The following CRYAB variants were observed in gnomAD, a reference collection of about 807,000 sequenced individuals.
CRYAB encodes crystallin alpha B, also known as alpha-crystallin B chain.
Under a neutral mutation model 12.7 loss-of-function variants are expected in CRYAB, and 9 were observed. The ratio of observed to expected loss-of-function variants is 0.71; its 90% confidence interval spans 0.43 to 1.24. The LOEUF is 1.24. CRYAB is among the 50% of genes most tolerant of loss of function. The pLI is 0.00. For missense variants in CRYAB, 183 were observed against 226.6 expected (o/e 0.81, Z 1.24); for synonymous variants, 93 against 86.8 (o/e 1.07, Z -0.40).
At chr11:111,909,069 A>G (rs915570322) in intron 2 of CRYAB, 102 bp from the exon 3 acceptor site, 4 of 1,144,250 alleles carry the variant, frequency 3.5e-6, no homozygotes, top group Non-Finnish European at 3.9e-6. Flanking sequence ...GTGAGACCAA[A>G]TGCCATGACA....
chr11:111,913,051 C>G (rs1965521072), upstream of CRYAB: 2 of 681,530 alleles, frequency 2.9e-6, no homozygotes, highest in Non-Finnish European at 5.3e-6. Flanking sequence ...CCACCCCCCA[C>G]CCCAGACTAC....
chr11:111,908,790 C>G lies in CRYAB; in HGVS notation c.502G>C (p.Ala168Pro). 1 of 1,613,080 alleles carries G rather than the reference C, an allele frequency of 6.2e-7. No individual in the cohort carries two copies. The highest frequency in any genetic ancestry group is 8.5e-7 in the Non-Finnish European group (1 of 1,180,012). ...TIPITREEKP[A>P]VTAAPKK ...TATTTCTTGGGGGCTGCGGTGACAGCAGGCTTCTCTTCACGGGTGATGGGA... is the reference window on the plus strand; with the variant it reads ...TATTTCTTGGGGGCTGCGGTGACAGGAGGCTTCTCTTCACGGGTGATGGGA... The change falls in exon 3 of 3, where the codon GCT (alanine) becomes CCT (proline). Residue 168 changes from alanine (A) to proline (P), a missense_variant. Ala to Pro is a conservative substitution (Grantham distance 27). Coordinates refer to ENST00000650687, the MANE Select transcript of CRYAB (RefSeq NM_001289808.2).
upstream of CRYAB, chr11:111,913,853 T>A (rs1965551939): frequency 1.9e-6 from 3 of 1,613,366 alleles, no homozygotes; most frequent in Non-Finnish European, 2.5e-6. Context: ...CTGCGCCTCC[T>A]GATCCAGAGG....
upstream of CRYAB, chr11:111,914,154 G>A (rs1184425490): frequency 1.8e-5 from 8 of 443,866 alleles, no homozygotes; most frequent in Non-Finnish European, 3.2e-5. Flanking sequence ...GAGGGAGGAG[G>A]TCACAGCCAG....
intron 1 of CRYAB, among the ~76,000 whole-genome samples, chr11:111,921,476 G>A (rs1197126012): frequency 6.6e-6 from 1 of 152,138 alleles, no homozygotes; most frequent in Admixed American, 6.5e-5. Context: ...TATTAAGTTA[G>A]TAAAAAAGGC....
At chr11:111,922,893 T>C (rs1223293149) in intron 1 of CRYAB, among the ~76,000 whole-genome samples, 1 of 152,240 alleles carries the variant, frequency 6.6e-6, no homozygotes, top group Admixed American at 6.5e-5. Flanking sequence ...TTTTTATTTC[T>C]ATTACCACTG....
At chr11:111,913,805 G>A, upstream of CRYAB, 1 of 1,614,178 alleles carries the variant, frequency 6.2e-7, no homozygotes, top group South Asian at 1.1e-5. Flanking sequence ...GCCGACATTT[G>A]GACACAGAGG....
At chr11:111,921,980 G>A (rs1205675092) in intron 1 of CRYAB, among the ~76,000 whole-genome samples, 5 of 152,214 alleles carry the variant, frequency 3.3e-5, no homozygotes, top group Admixed American at 1.3e-4. Context: ...TTACAGGTGC[G>A]TGCCACCACG....
chr11:111,919,028 G>A, intron 1 of CRYAB: 2 of 1,613,964 alleles, frequency 1.2e-6, no homozygotes, highest in African/African-American at 2.7e-5. Flanking sequence ...AAGGGCAAAG[G>A]GGAACATCTA....
chr11:111,914,097 G>C (rs587615021), upstream of CRYAB: 3 of 580,204 alleles, frequency 5.2e-6, no homozygotes, highest in African/African-American at 1.9e-5. Flanking sequence ...TCAGGGCCTT[G>C]TTTGTACTGC....
At position 111,910,469 on chromosome 11, in the gene CRYAB, G is replaced by T. The variant is rs1555165429; in HGVS notation, c.202-20C>A. On this transcript the variant is annotated intron_variant, in intron 1 of 2. Coordinates refer to ENST00000650687, the MANE Select transcript of CRYAB (RefSeq NM_001289808.2). The stretch of plus-strand genomic sequence containing the variant: ...GCGCATCTAGAAATAGCAAGGTAAG[G>T]GAATGGGATGGGAGAAAGAGGGCAA... The T allele has an allele frequency of 6.2e-7, 1 of 1,614,106 alleles. No homozygotes were observed. Among genetic ancestry groups the T allele is most frequent in the Admixed American group, 1.7e-5 (1 of 60,020 alleles).
intron 1 of CRYAB, among the ~76,000 whole-genome samples, chr11:111,922,111 C>A (rs372599665): frequency 3.2e-4 from 49 of 152,278 alleles, no homozygotes; most frequent in African/African-American, 1.2e-3. Flanking sequence ...GCATTACAGG[C>A]GTGAGCCACC....
At chr11:111,918,619 C>T (rs1555166249) in intron 1 of CRYAB, 7 of 663,038 alleles carry the variant, frequency 1.1e-5, no homozygotes, top group Non-Finnish European at 2.0e-5. Flanking sequence ...ATTTCAAAGA[C>T]AGAGTGATGT....
chr11:111,916,008 C>T (rs1181681719), upstream of CRYAB, among the ~76,000 whole-genome samples: 24 of 152,056 alleles, frequency 1.6e-4, no homozygotes, highest in Non-Finnish European at 2.5e-4. Flanking sequence ...TGCCACAGTA[C>T]TGGGATTACA....
upstream of CRYAB, chr11:111,913,152 G>A: frequency 1.7e-6 from 1 of 605,758 alleles, no homozygotes. Context: ...CTCTTTGCCG[G>A]CCTGGGTGTG....
upstream of CRYAB, chr11:111,913,750 C>T (rs782052133): frequency 6.2e-7 from 1 of 1,614,192 alleles, no homozygotes; most frequent in Non-Finnish European, 8.5e-7. Flanking sequence ...GTCCGAGCTG[C>T]TCTCTCCCAT....
upstream of CRYAB, chr11:111,912,647 G>C: frequency 1.6e-6 from 1 of 611,228 alleles, no homozygotes. Flanking sequence ...TCACACCCTC[G>C]TTGCTCTCAC....
chr11:111,921,136 T>C (rs1965691517), intron 1 of CRYAB, among the ~76,000 whole-genome samples: 3 of 152,222 alleles, frequency 2.0e-5, no homozygotes, highest in African/African-American at 7.2e-5. Flanking sequence ...TAAAGCATCA[T>C]TATATTTAGA....
chr11:111,914,446 T>C (rs1965566275), upstream of CRYAB, among the ~76,000 whole-genome samples: 1 of 152,208 alleles, frequency 6.6e-6, no homozygotes, highest in Non-Finnish European at 1.5e-5. Flanking sequence ...AAAATGGTTT[T>C]TGGCTGGTGA....
Sources: gnomAD v4.1 joint callset for allele counts (sites outside exome capture counted in the v4.1 genomes callset) on GRCh38, gnomAD v4.1.1 for gene constraint, MANE v1.5 for transcripts, NCBI Gene and HGNC (gene_info 2026-07-23, HGNC 2026-07-21) for gene names.